MAP4K5: variants seen among roughly 807,000 people sequenced by gnomAD.
The protein encoded by MAP4K5 is mitogen-activated protein kinase kinase kinase kinase 5.
In MAP4K5, 82 loss-of-function variants were observed where a neutral mutation model predicts 135.6. The ratio of observed to expected loss-of-function variants is 0.60; its 90% confidence interval spans 0.51 to 0.73. The LOEUF (loss-of-function observed/expected upper bound fraction) is 0.73, where lower values mean the gene tolerates loss of function less well. Ranked by LOEUF, MAP4K5 falls within the 30% of genes least tolerant of loss-of-function variation. The pLI is 0.00. For synonymous variants in MAP4K5, 347 were observed against 335.0 expected (o/e 1.04, Z -0.39); for missense variants, 907 against 1,010.9 (o/e 0.90, Z 1.39).
intron 2 of MAP4K5, among the ~76,000 whole-genome samples, chr14:50,523,371 T>C (rs532146857): frequency 3.9e-5 from 6 of 152,204 alleles, no homozygotes; most frequent in African/African-American, 1.4e-4. Context: ...CACCAGTCAA[T>C]AAGGCATGGT....
At chr14:50,521,701 C>T in intron 2 of MAP4K5, among the ~76,000 whole-genome samples, 1 of 152,162 alleles carries the variant, frequency 6.6e-6, no homozygotes, top group East Asian at 1.9e-4. Flanking sequence ...CAAACACCTC[C>T]AAGGACAGAT....
intron 32 of MAP4K5, among the ~76,000 whole-genome samples, chr14:50,421,754 G>A (rs1024866017): frequency 4.6e-5 from 7 of 152,008 alleles, no homozygotes; most frequent in Admixed American, 1.3e-4. Context: ...GATGCACAAA[G>A]CTCTGAGCAG....
In MAP4K5 at chr14:50,435,007, A is replaced by T; in HGVS notation, c.1941T>A (p.Val647=). The change falls in exon 27 of 33, where the codon GTT becomes GTA. Residue 647 remains valine, a synonymous_variant. Coordinates refer to ENST00000682126, the MANE Select transcript of MAP4K5 (RefSeq NM_006575.6). ...GCATTGGCTCATACCACTGAAGTAA[A>T]ACAATTCCAGACTGTAAAGCTCCAC... The part of the protein sequence containing the change: ...YLCGALQSGI[V]LLQWYEPMQK... The T allele has an allele frequency of 6.2e-7, 1 of 1,611,746 alleles. No homozygotes were observed. Among genetic ancestry groups the T allele is most frequent in the Non-Finnish European group, 8.5e-7 (1 of 1,178,548 alleles).
chr14:50,448,972 T>C, intron 14 of MAP4K5, 140 bp from the exon 15 acceptor site: 1 of 627,570 alleles, frequency 1.6e-6, no homozygotes, highest in Non-Finnish European at 2.8e-6. Flanking sequence ...ATTTTTTGAC[T>C]ACAAGAGTAC....
chr14:50,498,768 T>C (rs1276134880), intron 3 of MAP4K5, among the ~76,000 whole-genome samples: 2 of 152,224 alleles, frequency 1.3e-5, no homozygotes, highest in Non-Finnish European at 2.9e-5. Flanking sequence ...GTTTATGTAT[T>C]ACCAGACATA....
upstream of MAP4K5, among the ~76,000 whole-genome samples, chr14:50,536,059 C>T (rs1428750208): frequency 1.3e-5 from 2 of 152,240 alleles, no homozygotes; most frequent in Non-Finnish European, 2.9e-5. Flanking sequence ...GCTTCGCAGC[C>T]ACATGGAACT....
intron 1 of MAP4K5, chr14:50,559,388 G>C (rs2038805189): frequency 6.6e-6 from 1 of 152,250 alleles, no homozygotes; most frequent in African/African-American, 2.4e-5. Context: ...GTTTGTAGCA[G>C]AGAGAAAGCA....
chr14:50,560,603 G>A (rs1052295875), intron 1 of MAP4K5: 3 of 435,280 alleles, frequency 6.9e-6, no homozygotes, highest in South Asian at 2.3e-5. Context: ...GGCGCCTCCG[G>A]GGACTTGTGG....
intron 9 of MAP4K5, among the ~76,000 whole-genome samples, chr14:50,471,579 T>C (rs1360578836): frequency 2.0e-5 from 3 of 152,106 alleles, no homozygotes; most frequent in African/African-American, 4.8e-5. Context: ...AAAAACCTCA[T>C]AAATGTAAGA....
At chr14:50,465,859 C>T (rs377369229) in intron 11 of MAP4K5, among the ~76,000 whole-genome samples, 12 of 152,194 alleles carry the variant, frequency 7.9e-5, no homozygotes, top group East Asian at 7.7e-4. Context: ...GGGCAGATTA[C>T]GGGGTCAAGA....
At chr14:50,504,329 C>G (rs1323477006) in intron 3 of MAP4K5, among the ~76,000 whole-genome samples, 1 of 152,044 alleles carries the variant, frequency 6.6e-6, no homozygotes, top group East Asian at 1.9e-4. Context: ...ATTTGCAAAG[C>G]AAACTATTCA....
intron 2 of MAP4K5, among the ~76,000 whole-genome samples, chr14:50,515,117 T>C (rs887111835): frequency 6.6e-6 from 1 of 152,108 alleles, no homozygotes; most frequent in East Asian, 1.9e-4. Context: ...TTGGCCAGGA[T>C]GGTCTCGATC....
chr14:50,538,785 G>T (rs1351339614), intron 2 of MAP4K5, among the ~76,000 whole-genome samples: 1 of 152,184 alleles, frequency 6.6e-6, no homozygotes, highest in East Asian at 1.9e-4. Context: ...ATCTATTGGT[G>T]ATTCGCTTAA....
intron 3 of MAP4K5, among the ~76,000 whole-genome samples, chr14:50,497,322 A>C (rs1441958133): frequency 6.6e-6 from 1 of 152,210 alleles, no homozygotes; most frequent in African/African-American, 2.4e-5. Context: ...AAACCAATAA[A>C]ATGACATTTG....
At chr14:50,425,026 T>C (rs111282753) in intron 31 of MAP4K5, among the ~76,000 whole-genome samples, 1 of 152,228 alleles carries the variant, frequency 6.6e-6, no homozygotes, top group African/African-American at 2.4e-5. Context: ...TTCATTTATA[T>C]ATAAGTAAGA....
intron 14 of MAP4K5, among the ~76,000 whole-genome samples, chr14:50,452,844 C>T (rs1449873802): frequency 6.6e-6 from 1 of 152,200 alleles, no homozygotes; most frequent in East Asian, 1.9e-4. Flanking sequence ...GGCTTCCACC[C>T]AAGTCAGTTG....
intron 28 of MAP4K5, 85 bp from the exon 29 acceptor site, chr14:50,429,345 A>C: frequency 1.3e-6 from 1 of 763,248 alleles, no homozygotes; most frequent in Non-Finnish European, 2.1e-6. Flanking sequence ...TTTTGCTGTG[A>C]CTTAAAATTG....
chr14:50,470,262 G>A (rs1015575964), intron 9 of MAP4K5, among the ~76,000 whole-genome samples: 3 of 152,204 alleles, frequency 2.0e-5, no homozygotes, highest in Non-Finnish European at 4.4e-5. Flanking sequence ...AAGGTAGAGA[G>A]TGTGGCCCTC....
intron 1 of MAP4K5, among the ~76,000 whole-genome samples, chr14:50,544,042 T>G (rs1287511297): frequency 6.6e-6 from 1 of 152,192 alleles, no homozygotes; most frequent in Non-Finnish European, 1.5e-5. Context: ...ATGGGGAAAT[T>G]GGTTATTGCT....
Sources: allele counts gnomAD v4.1 joint callset (sites outside exome capture counted in the v4.1 genomes callset), GRCh38; gene constraint gnomAD v4.1.1; transcripts MANE v1.5; gene names NCBI Gene and HGNC (gene_info 2026-07-23, HGNC 2026-07-21).